The following CDC14A variants were observed in gnomAD, a reference collection of about 807,000 sequenced individuals.
CDC14A encodes the protein dual specificity protein phosphatase CDC14A.
Under a neutral mutation model 74.4 loss-of-function variants are expected in CDC14A, and 53 were observed. The observed-to-expected ratio is 0.71, with a 90% CI of 0.57 to 0.89. The LOEUF is 0.89. Among genes scored for constraint, CDC14A ranks in the 40% least tolerant of loss-of-function variants. The pLI, the probability that CDC14A is intolerant of heterozygous loss-of-function variation, is 0.00. For synonymous variants in CDC14A, 247 were observed against 258.4 expected (o/e 0.96, Z 0.43); for missense variants, 646 against 713.7 (o/e 0.91, Z 1.08).
At chr1:100,389,482 T>C (rs1657386239) in intron 3 of CDC14A, among the ~76,000 whole-genome samples, 2 of 151,310 alleles carry the variant, frequency 1.3e-5, no homozygotes, top group Non-Finnish European at 2.9e-5. Flanking sequence ...TATGTGTATA[T>C]ATATATATGA....
chr1:100,368,057 A>T (rs1653915762), intron 2 of CDC14A, among the ~76,000 whole-genome samples: 1 of 152,174 alleles, frequency 6.6e-6, no homozygotes, highest in Non-Finnish European at 1.5e-5. Flanking sequence ...GCCTATTCTC[A>T]CTGTTGGGAA....
At chr1:100,439,884 A>T (rs1207143857) in intron 5 of CDC14A, 48 bp from the exon 6 acceptor site, 1 of 1,333,596 alleles carries the variant, frequency 7.5e-7, no homozygotes, top group Non-Finnish European at 1.1e-6. Context: ...TTATTATTTG[A>T]ATGTTCTAAA....
At chr1:100,390,855 A>G in intron 4 of CDC14A, 31 bp downstream of exon 4, 1 of 1,487,596 alleles carries the variant, frequency 6.7e-7, no homozygotes, top group Non-Finnish European at 9.4e-7. Flanking sequence ...TATTTTCTAT[A>G]ATCAGGCCAG....
chr1:100,446,182 T>C (rs1665521385), intron 7 of CDC14A, among the ~76,000 whole-genome samples: 2 of 152,224 alleles, frequency 1.3e-5, no homozygotes, highest in Non-Finnish European at 2.9e-5. Context: ...TTTGTGAGAC[T>C]GTAAGCCTTA....
chr1:100,515,022 T>A (rs1650070011), intron 15 of CDC14A, among the ~76,000 whole-genome samples: 1 of 152,206 alleles, frequency 6.6e-6, no homozygotes, highest in Non-Finnish European at 1.5e-5. Context: ...ACATTGTATA[T>A]AGTTGGTAGT....
chr1:100,489,208 A>G (rs774063746), intron 11 of CDC14A, among the ~76,000 whole-genome samples: 1 of 152,214 alleles, frequency 6.6e-6, no homozygotes, highest in Non-Finnish European at 1.5e-5. Context: ...AACTCTAGAG[A>G]TGACCCAGCC....
intron 2 of CDC14A, among the ~76,000 whole-genome samples, chr1:100,377,131 C>T (rs572282227): frequency 3.0e-4 from 45 of 151,938 alleles, no homozygotes; most frequent in Non-Finnish European, 8.8e-5. Flanking sequence ...ACCTCCACCT[C>T]CCGGGTTCAA....
At chr1:100,403,849 T>C (rs1659583779) in intron 4 of CDC14A, among the ~76,000 whole-genome samples, 1 of 152,206 alleles carries the variant, frequency 6.6e-6, no homozygotes, top group African/African-American at 2.4e-5. Flanking sequence ...ACTGGGTCTG[T>C]CATTTTAGTA....
At chr1:100,484,792 C>A in intron 11 of CDC14A, 1 of 989,196 alleles carries the variant, frequency 1.0e-6, no homozygotes. Flanking sequence ...ATAATACATA[C>A]CACAAGTGGT....
intron 8 of CDC14A, among the ~76,000 whole-genome samples, chr1:100,459,126 C>CAGAGAGAGAG (rs112078644): frequency 9.0e-5 from 13 of 144,682 alleles, no homozygotes; most frequent in African/African-American, 3.1e-4. Flanking sequence ...CACACACACA[C>CAGAGAGAGAG]AGAGAGAGAG....
chr1:100,452,071 A>G (rs1475840453), intron 7 of CDC14A, among the ~76,000 whole-genome samples: 1 of 152,208 alleles, frequency 6.6e-6, no homozygotes, highest in East Asian at 1.9e-4. Flanking sequence ...TAGGAAATCA[A>G]CCTTGTAATC....
At chr1:100,393,773 T>C (rs1658065826) in intron 4 of CDC14A, 1 of 305,324 alleles carries the variant, frequency 3.3e-6, no homozygotes, top group Non-Finnish European at 6.4e-6. Flanking sequence ...GACCAACATG[T>C]CTCTACTAAA....
upstream of CDC14A, among the ~76,000 whole-genome samples, chr1:100,352,016 G>A (rs547204540): frequency 6.6e-6 from 1 of 151,604 alleles, no homozygotes; most frequent in South Asian, 2.1e-4. Flanking sequence ...GCGCGCGCGC[G>A]CCCTACAAGA....
chr1:100,482,695 A>G (rs1669603222), intron 10 of CDC14A, among the ~76,000 whole-genome samples: 1 of 151,862 alleles, frequency 6.6e-6, no homozygotes, highest in African/African-American at 2.4e-5. Flanking sequence ...ATTTATCTGA[A>G]TTTCTTACTA....
intron 4 of CDC14A, among the ~76,000 whole-genome samples, chr1:100,415,119 G>A (rs913322542): frequency 1.3e-5 from 2 of 152,040 alleles, no homozygotes; most frequent in Non-Finnish European, 2.9e-5. Context: ...TGAAAATTCT[G>A]GTTGTAATCA....
In CDC14A at chr1:100,353,764, C is replaced by A. The variant is rs1651474693; in HGVS notation, c.52C>A (p.Arg18=). Residue 18 remains arginine, a splice_region_variant and synonymous_variant, in exon 2 of 16, where the codon CGG becomes AGG. Transcript: ENST00000336454. Reference sequence around the variant, plus strand: ...TGTCTTTTAAACTTGTCTTTCAGATCGGTTATATTTTGCTACTTTAAGGAA... The same window carrying A: ...TGTCTTTTAAACTTGTCTTTCAGATAGGTTATATTTTGCTACTTTAAGGAA... ...LIGACEFMKD[R]LYFATLRNRP... 6.5e-7 allele frequency: 1 copy of A among 1,547,408 alleles called. No individual in the cohort carries two copies. The highest frequency in any genetic ancestry group is 1.1e-5 in the South Asian group (1 of 87,068).
chr1:100,353,635 G>T, intron 1 of CDC14A, 127 bp from the exon 2 acceptor site: 3 of 617,400 alleles, frequency 4.9e-6, no homozygotes, highest in Non-Finnish European at 8.6e-6. Context: ...GAGGGATGAG[G>T]TTTCTGCAAG....
chr1:100,414,628 C>T (rs554791572), intron 4 of CDC14A, among the ~76,000 whole-genome samples: 1 of 152,216 alleles, frequency 6.6e-6, no homozygotes, highest in East Asian at 1.9e-4. Flanking sequence ...CAGTGAAACT[C>T]AGCACCAGGA....
chr1:100,382,076 T>G (rs1656185059), intron 3 of CDC14A, among the ~76,000 whole-genome samples: 1 of 152,060 alleles, frequency 6.6e-6, no homozygotes, highest in Non-Finnish European at 1.5e-5. Context: ...ATTCATGGCT[T>G]TTTTTCAGGT....
Sources: gnomAD v4.1 joint callset for allele counts (sites outside exome capture counted in the v4.1 genomes callset) on GRCh38, gnomAD v4.1.1 for gene constraint, MANE v1.5 for transcripts, NCBI Gene and HGNC (gene_info 2026-07-23, HGNC 2026-07-21) for gene names.